SACS: variants seen among roughly 807,000 people sequenced by gnomAD.
SACS encodes sacsin.
Under a neutral mutation model 348.0 loss-of-function variants are expected in SACS, and 197 were observed. That is an observed-to-expected ratio of 0.57 (90% CI 0.50 to 0.64). SACS has a LOEUF of 0.64. Among genes scored for constraint, SACS ranks in the 30% least tolerant of loss-of-function variants. The pLI, the probability that SACS is intolerant of heterozygous loss-of-function variation, is 0.00. For synonymous variants in SACS, 1,985 were observed against 1,910.6 expected, an observed-to-expected ratio of 1.04 and a Z score of -1.02; for missense variants, 4,999 against 5,360.8, an observed-to-expected ratio of 0.93 and a Z score of 2.11.
chr13:23,354,613 C>A lies in SACS; in HGVS notation c.1999G>T (p.Glu667Ter). The A allele has an allele frequency of 6.2e-7, 1 of 1,614,160 alleles. No individual in the cohort carries two copies. Among genetic ancestry groups the A allele is most frequent in the Non-Finnish European group, 8.5e-7 (1 of 1,180,004 alleles). The change falls in exon 8 of 10, where the codon GAG becomes TAG. Residue 667 changes from glutamate to a stop codon, truncating the protein, a stop_gained. Transcript: ENST00000382292. LOFTEE classifies it high-confidence loss of function. ...TTGCCATTTTGTAAAGGGAGCAGCT[C>A]CAGCCCAAGCAGCTCACTGTAGGCT... is the stretch of plus-strand genomic sequence containing the variant. ...DQAYSELLGL[E>*]LLPLQNGNFV...
chr13:23,340,547 A>AT lies in SACS; in HGVS notation c.3328dup (p.Ile1110AsnfsTer2), dbSNP rs770866403. ...ACAAGCACCGACCTGTAAGGCTTCA[A>AT]TTTTTTTTGCCACTTGCACAACATC... On this transcript the variant is annotated frameshift_variant, in exon 10 of 10. Coordinates refer to ENST00000382292, the MANE Select transcript of SACS (RefSeq NM_014363.6). LOFTEE classifies it high-confidence loss of function. 17 of 1,611,642 alleles carry AT rather than the reference A, an allele frequency of 1.1e-5. No homozygotes were observed. The highest frequency in any genetic ancestry group is 5.5e-5 in the South Asian group (5 of 90,608).
rs543646763 is a variant in SACS at position 23,333,017 on chromosome 13, G to A, written c.10859C>T (p.Thr3620Ile). 6.4e-5 allele frequency: 104 copies of A among 1,613,914 alleles called. No individual in the cohort carries two copies. In the South Asian group the frequency reaches 8.5e-4, roughly 13 times the overall value. The change falls in exon 10 of 10, where the codon ACA (threonine) becomes ATA (isoleucine). Residue 3620 changes from threonine to isoleucine, a missense_variant. By Grantham distance (89) the Thr-to-Ile change is moderately conservative (BLOSUM62 -1). Transcript: ENST00000382292. ...RANTENWSKE[T>I]LQNTVDILLH... ...AAGGATATCAACTGTATTTTGCAAT[G>A]TTTCTTTGGACCAGTTTTCTGTATT...
chr13:23,334,762 A>T lies in SACS; in HGVS notation c.9114T>A (p.Leu3038=), dbSNP rs1198368369. ...TGGTGATATTATAATCTGCATTTTT[A>T]AGGTGTTGTAATTCATCCTGTAGTA... is the stretch of plus-strand genomic sequence containing the variant. The part of the protein sequence containing the change: ...DNLLQDELQH[L]KNADYNITTR... The change falls in exon 10 of 10, where the codon CTT becomes CTA. Residue 3038 remains leucine (L), a synonymous_variant. Coordinates refer to ENST00000382292, the MANE Select transcript of SACS (RefSeq NM_014363.6). 4 of 1,613,744 alleles carry T rather than the reference A, an allele frequency of 2.5e-6. No individual in the cohort carries two copies. The highest frequency in any genetic ancestry group is 1.6e-4 in the Middle Eastern group (1 of 6,062).
chr13:23,417,467 A>AC (rs1490286897), intron 1 of SACS, among the ~76,000 whole-genome samples: 2 of 152,136 alleles, frequency 1.3e-5, no homozygotes, highest in African/African-American at 4.8e-5. Flanking sequence ...TCAGAGACAG[A>AC]CCCTTGCATT....
At position 23,354,753 on chromosome 13, in the gene SACS, G is replaced by A; in HGVS notation, c.1859C>T (p.Thr620Ile). Residue 620 changes from threonine to isoleucine, a missense_variant, in exon 8 of 10, where the codon ACA becomes ATA. Physicochemically the swap from Thr to Ile is moderately conservative, Grantham distance 89. Around this residue, in one of 6 missense-constraint regions of SACS, gnomAD observed 3,156 missense variants for 3,380.1 expected, o/e 0.93. Coordinates refer to ENST00000382292, the MANE Select transcript of SACS (RefSeq NM_014363.6). ...GGGCGTCACCTTCCTCACAGGTGTT[G>A]TGCCAGAGGCAGCTGTGAGCTGAAC... ...AAVQLTAASGTTPVRKVTPAW... is the reference protein window; with the variant it reads ...AAVQLTAASGITPVRKVTPAW... The A allele has an allele frequency of 6.2e-7, 1 of 1,613,922 alleles. No individual in the cohort carries two copies. The highest frequency in any genetic ancestry group is 8.5e-7 in the Non-Finnish European group (1 of 1,179,864).
intron 2 of SACS, among the ~76,000 whole-genome samples, chr13:23,410,876 G>C (rs1873453432): frequency 6.6e-6 from 1 of 152,044 alleles, no homozygotes; most frequent in Non-Finnish European, 1.5e-5. Flanking sequence ...TTTCACAGTT[G>C]TTTATTTTAT....
At chr13:23,404,766 A>C (rs1186268237) in intron 2 of SACS, among the ~76,000 whole-genome samples, 1 of 152,132 alleles carries the variant, frequency 6.6e-6, no homozygotes, top group Non-Finnish European at 1.5e-5. Flanking sequence ...AAGCATTTCT[A>C]TACACCAATA....
At position 23,421,383 on chromosome 13, in the gene SACS, G is replaced by A. The variant is rs957303273; in HGVS notation, c.-501-9643C>T. Among the ~76,000 whole-genome samples, 8 of 151,930 alleles carry A rather than the reference G, an allele frequency of 5.3e-5. No individual in the cohort carries two copies. In the South Asian group the frequency reaches 6.2e-4, roughly 12 times the overall value. On this transcript the variant is annotated intron_variant, in intron 1 of 9. Transcript: ENST00000382292. ...ACCTAGTTTCCCTGTGGAGTGTGCC[G>A]TCCCATGAGGATTGACATTCAGCTG... is the stretch of plus-strand genomic sequence containing the variant.
intron 1 of SACS, chr13:23,428,843 A>G (rs1469886666): frequency 6.6e-6 from 1 of 152,234 alleles, no homozygotes; most frequent in Admixed American, 6.5e-5. Flanking sequence ...GGATACAGAA[A>G]GTATTCAATA....
Position 23,339,062 on chromosome 13 carries a change from C to G in SACS, c.4814G>C (p.Ser1605Thr), listed in dbSNP as rs770007806. The G allele has an allele frequency of 8.1e-6, 13 of 1,612,526 alleles. No individual in the cohort carries two copies. The highest frequency in any genetic ancestry group is 1.0e-5 in the Non-Finnish European group (12 of 1,179,534). Residue 1605 changes from serine to threonine, a missense_variant, in exon 10 of 10, where the codon AGT becomes ACT. Around this residue, in one of 6 missense-constraint regions of SACS, gnomAD observed 3,156 missense variants for 3,380.1 expected, o/e 0.93. Transcript: ENST00000382292. ...TTTTCTAAGTCTTTTCTGTTGTTTA[C>G]TCCAATTAATTTTGATCCCAGGATT... The part of the protein sequence containing the change: ...KSNPGIKINW[S>T]KQQKRLRKFP...
intron 2 of SACS, among the ~76,000 whole-genome samples, chr13:23,401,414 G>C (rs1260369623): frequency 6.6e-6 from 1 of 152,178 alleles, no homozygotes; most frequent in African/African-American, 2.4e-5. Context: ...TTTGCTTCAA[G>C]TTGTCCCACC....
At chr13:23,377,751 C>T (rs1173763807) in intron 2 of SACS, among the ~76,000 whole-genome samples, 1 of 152,202 alleles carries the variant, frequency 6.6e-6, no homozygotes, top group Non-Finnish European at 1.5e-5. Context: ...GGCATTAGTG[C>T]TGCGAGACTC....
rs764887405 is a variant in SACS, at chr13:23,336,226, A to C, written c.7650T>G (p.Leu2550=). Residue 2550 remains leucine, a synonymous_variant, in exon 10 of 10, where the codon CTT becomes CTG. Transcript: ENST00000382292. The part of the protein sequence containing the change: ...PSEKEMLKEL[L]QNADDAKATE... ...TCGCCTTTGCATCATCAGCATTTTG[A>C]AGAAGCTCTTTCAACATTTCCTTTT... 6 of 1,613,944 alleles carry C rather than the reference A, an allele frequency of 3.7e-6. No homozygotes were observed. In the African/African-American group the frequency reaches 8.0e-5, roughly 22 times the overall value.
At position 23,339,261 on chromosome 13, in the gene SACS, T is replaced by C. The variant is rs1325346114; in HGVS notation, c.4615A>G (p.Thr1539Ala). 2 of 1,603,882 alleles carry C rather than the reference T, an allele frequency of 1.2e-6. No homozygotes were observed. Among genetic ancestry groups the C allele is most frequent in the Non-Finnish European group, 1.7e-6 (2 of 1,176,292 alleles). ...CTTTTTAAAGATTCTCCTAACCTAGTTATGTTCACAAAATCTGAATCTGAG... is the reference window on the plus strand; with the variant it reads ...CTTTTTAAAGATTCTCCTAACCTAGCTATGTTCACAAAATCTGAATCTGAG... ...QFSDSDFVNI[T>A]RLGESLKRGE... The change falls in exon 10 of 10, where the codon ACT becomes GCT. Residue 1539 changes from threonine (T) to alanine (A), a missense_variant. Thr to Ala is a moderately conservative substitution (Grantham distance 58). Around this residue, in one of 6 missense-constraint regions of SACS, gnomAD observed 3,156 missense variants for 3,380.1 expected, o/e 0.93. Coordinates refer to ENST00000382292, the MANE Select transcript of SACS (RefSeq NM_014363.6).
intron 2 of SACS, among the ~76,000 whole-genome samples, chr13:23,401,885 T>C (rs1872992927): frequency 6.6e-6 from 1 of 152,158 alleles, no homozygotes; most frequent in Non-Finnish European, 1.5e-5. Context: ...ACTACTAGAC[T>C]AAGAGTTTCC....
intron 1 of SACS, among the ~76,000 whole-genome samples, chr13:23,416,172 C>T (rs998842232): frequency 6.6e-6 from 1 of 151,986 alleles, no homozygotes; most frequent in East Asian, 1.9e-4. Context: ...ATCCCAGCTA[C>T]TTGGGAGGCT....
intron 2 of SACS, among the ~76,000 whole-genome samples, chr13:23,394,689 G>A (rs1473167131): frequency 6.6e-6 from 1 of 152,078 alleles, no homozygotes; most frequent in African/African-American, 2.4e-5. Context: ...CCCCATCTCT[G>A]CTAAAAATAC....
chr13:23,335,512 A>G lies in SACS; in HGVS notation c.8364T>C (p.Val2788=), dbSNP rs762090813. ...TGTCTTTGAGCTGCCTCTTTTTAGT[A>G]ACACTATCAATTACAGATGCATGAA... is the stretch of plus-strand genomic sequence containing the variant. ...KQFHASVIDS[V]TKKRQLKDIP... The change falls in exon 10 of 10, where the codon GTT becomes GTC. Residue 2788 remains valine (V), a synonymous_variant. Transcript: ENST00000382292. This position sits in a 1 kb window ranked among gnomAD's most constrained non-coding sequence, Gnocchi z 4.7. 1.2e-6 allele frequency: 2 copies of G among 1,613,676 alleles called. No homozygotes were observed. Among genetic ancestry groups the G allele is most frequent in the Non-Finnish European group, 1.7e-6 (2 of 1,179,912 alleles).
chr13:23,343,175 T>C (rs1202861739), intron 9 of SACS, among the ~76,000 whole-genome samples: 1 of 152,234 alleles, frequency 6.6e-6, no homozygotes, highest in Non-Finnish European at 1.5e-5. Context: ...CAGTTTTTAC[T>C]GATTTTAACC....
Sources: gnomAD v4.1 joint callset for allele counts (sites outside exome capture counted in the v4.1 genomes callset) on GRCh38, gnomAD v4.1.1 for gene constraint, gnomAD v4.1.1 regional missense constraint, Gnocchi (gnomAD v3.1) non-coding constraint, MANE v1.5 for transcripts, NCBI Gene and HGNC (gene_info 2026-07-23, HGNC 2026-07-21) for gene names.